The following GABRG3 variants were observed in gnomAD, a reference collection of about 807,000 sequenced individuals.
The protein encoded by GABRG3 is gamma-aminobutyric acid receptor subunit gamma-3.
In GABRG3, 25 loss-of-function variants were observed where a neutral mutation model predicts 48.8. That is an observed-to-expected ratio of 0.51 (90% CI 0.37 to 0.72). The LOEUF (loss-of-function observed/expected upper bound fraction) is 0.72. Among genes scored for constraint, GABRG3 ranks in the 30% least tolerant of loss-of-function variants. The pLI is 0.00. For synonymous variants in GABRG3, 227 were observed against 217.6 expected (o/e 1.04, Z -0.38); for missense variants, 394 against 577.9 (o/e 0.68, Z 3.26).
At position 27,209,996 on chromosome 15, in the gene GABRG3, C is replaced by G. The variant is rs77965590; in HGVS notation, c.271-116813C>G. 4.1e-3 allele frequency among the ~76,000 whole-genome samples: 631 copies of G among 152,256 alleles called. 3 individuals carry two copies. Among genetic ancestry groups the G allele is most frequent in the Non-Finnish European group, 6.6e-3 (452 of 68,014 alleles). On this transcript the variant is annotated intron_variant, in intron 3 of 9. Coordinates refer to ENST00000615808, the MANE Select transcript of GABRG3 (RefSeq NM_033223.5). ...ATAGGGTCAGGGCCCACCCTGATGA[C>G]CTCATTTAACCCAGGTTACCTTTTT...
chr15:27,527,935 A>T lies in GABRG3; in HGVS notation c.1065A>T (p.Leu355Phe). Residue 355 changes from leucine to phenylalanine, a missense_variant and splice_region_variant, in exon 9 of 10, where the codon TTA becomes TTT. Coordinates refer to ENST00000615808, the MANE Select transcript of GABRG3 (RefSeq NM_033223.5). ...KPTTTKKTTSLLHPDSSRWIP... is the reference protein window; with the variant it reads ...KPTTTKKTTSFLHPDSSRWIP... ...TATTTTTTCTTCTTTTCTTGTAGTT[A>T]CTACATCCAGATTCCTCAAGATGGA... is the stretch of plus-strand genomic sequence containing the variant. 1 of 1,580,644 alleles carries T rather than the reference A, an allele frequency of 6.3e-7. No homozygotes were observed. The highest frequency in any genetic ancestry group is 8.6e-7 in the Non-Finnish European group (1 of 1,160,422).
intron 3 of GABRG3, among the ~76,000 whole-genome samples, chr15:27,220,694 C>G (rs529391859): frequency 1.3e-5 from 2 of 152,278 alleles, no homozygotes; most frequent in East Asian, 3.9e-4. Context: ...TGTTTGGAGA[C>G]TGTTGCTTAA....
intron 5 of GABRG3, among the ~76,000 whole-genome samples, chr15:27,392,994 T>A (rs1194702309): frequency 6.6e-6 from 1 of 152,108 alleles, no homozygotes; most frequent in Non-Finnish European, 1.5e-5. Flanking sequence ...TTTTCTCCAA[T>A]CCTAGAACTA....
At chr15:27,492,501 C>T (rs559000135) in intron 6 of GABRG3, among the ~76,000 whole-genome samples, 5 of 152,152 alleles carry the variant, frequency 3.3e-5, no homozygotes, top group Non-Finnish European at 7.3e-5. Context: ...GGAGAGAGAG[C>T]AGTTGAGCCT....
chr15:27,084,902 C>T (rs576378923), intron 3 of GABRG3, among the ~76,000 whole-genome samples: 1 of 152,354 alleles, frequency 6.6e-6, no homozygotes, highest in South Asian at 2.1e-4. Context: ...GGCTCTCCTT[C>T]TGACACTGTG....
At chr15:27,284,929 G>T (rs146679590) in intron 3 of GABRG3, among the ~76,000 whole-genome samples, 2 of 152,292 alleles carry the variant, frequency 1.3e-5, no homozygotes, top group Non-Finnish European at 2.9e-5. Flanking sequence ...AAAGAAACTT[G>T]TTGAAAGCAG....
chr15:27,501,044 C>T (rs1234625430), intron 6 of GABRG3, among the ~76,000 whole-genome samples: 2 of 151,080 alleles, frequency 1.3e-5, no homozygotes, highest in Admixed American at 6.6e-5. Context: ...CTCCGCCTCC[C>T]GGGTTCACAC....
chr15:27,087,852 G>A lies in GABRG3; in HGVS notation c.270+61031G>A, dbSNP rs1311115709. On this transcript the variant is annotated intron_variant, in intron 3 of 9. Transcript: ENST00000615808. ...GGTGTGTGTGCATGTGTATGTGTGT[G>A]TAATGTGCTGTGGGGTGTGTGTGGT... 2.6e-5 allele frequency among the ~76,000 whole-genome samples: 4 copies of A among 151,388 alleles called. No individual in the cohort carries two copies. In the East Asian group the frequency reaches 7.8e-4, roughly 30 times the overall value.
intron 5 of GABRG3, among the ~76,000 whole-genome samples, chr15:27,349,310 C>A (rs1002809630): frequency 6.6e-6 from 1 of 151,728 alleles, no homozygotes; most frequent in Non-Finnish European, 1.5e-5. Context: ...ATAAAATATT[C>A]CAGGCTTCTG....
intron 3 of GABRG3, among the ~76,000 whole-genome samples, chr15:27,306,856 TACA>T (rs1892530137): frequency 1.7e-4 from 15 of 87,628 alleles, no homozygotes; most frequent in East Asian, 3.4e-4. Flanking sequence ...TATATAAACA[TACA>T]ATATAAACAT....
intron 5 of GABRG3, among the ~76,000 whole-genome samples, chr15:27,391,099 A>AT (rs2140576511): frequency 6.6e-6 from 1 of 152,136 alleles, no homozygotes; most frequent in East Asian, 1.9e-4. Context: ...AAAAAAAAAA[A>AT]GACACAATCC....
chr15:27,350,922 TTG>T (rs563638932), intron 5 of GABRG3, among the ~76,000 whole-genome samples: 4 of 148,272 alleles, frequency 2.7e-5, no homozygotes, highest in South Asian at 2.2e-4. Context: ...TCATGTGTGT[TTG>T]TGTGTGTGTA....
intron 3 of GABRG3, among the ~76,000 whole-genome samples, chr15:27,135,584 C>T (rs1897994627): frequency 6.6e-6 from 1 of 152,102 alleles, no homozygotes; most frequent in Non-Finnish European, 1.5e-5. Flanking sequence ...ATTTTTAGCA[C>T]TGACTTGAGG....
At chr15:27,424,523 C>T (rs1888230572) in intron 5 of GABRG3, among the ~76,000 whole-genome samples, 1 of 150,120 alleles carries the variant, frequency 6.7e-6, no homozygotes, top group Admixed American at 6.6e-5. Context: ...GATCTACTCT[C>T]ATGACTTAAT....
At chr15:27,366,478 TG>T (rs1359134193) in intron 5 of GABRG3, 1 of 152,234 alleles carries the variant, frequency 6.6e-6, no homozygotes, top group Non-Finnish European at 1.5e-5. Flanking sequence ...AACAGGCCTT[TG>T]ATCGCCAGTA....
chr15:27,532,859 G>A lies in GABRG3; in HGVS notation c.1382G>A (p.Trp461Ter), dbSNP rs1333772817. Residue 461 changes from tryptophan to a stop codon, truncating the protein, a stop_gained, in exon 10 of 10, where the codon TGG becomes TAG. Coordinates refer to ENST00000615808, the MANE Select transcript of GABRG3 (RefSeq NM_033223.5). LOFTEE classifies it high-confidence loss of function. ...TSFLLFNLVYWVGYLYL is the reference protein window; with the variant it reads ...TSFLLFNLVY ...TTCCTGCTCTTTAACCTGGTCTACT[G>A]GGTTGGATACCTGTATCTCTAAGTG... The A allele has an allele frequency of 6.2e-7, 1 of 1,613,818 alleles. No homozygotes were observed. Among genetic ancestry groups the A allele is most frequent in the Non-Finnish European group, 8.5e-7 (1 of 1,179,868 alleles).
chr15:27,120,875 C>G (rs1033596875), intron 3 of GABRG3, among the ~76,000 whole-genome samples: 16 of 152,018 alleles, frequency 1.1e-4, no homozygotes, highest in Admixed American at 2.0e-4. Flanking sequence ...GCTAATCTCC[C>G]CAGTTGTTAA....
chr15:26,978,243 C>A (rs1224132264), intron 2 of GABRG3, among the ~76,000 whole-genome samples: 2 of 151,926 alleles, frequency 1.3e-5, no homozygotes, highest in African/African-American at 4.8e-5. Flanking sequence ...CTCTGTATAT[C>A]CTAGGTATGA....
At chr15:27,328,127 A>C (rs866659706) in intron 4 of GABRG3, among the ~76,000 whole-genome samples, 10 of 124,510 alleles carry the variant, frequency 8.0e-5, no homozygotes, top group African/African-American at 4.4e-4. Context: ...AAAAAAAAAA[A>C]CCAAAAAAAA....
Sources: gnomAD v4.1 joint callset for allele counts (sites outside exome capture counted in the v4.1 genomes callset) on GRCh38, gnomAD v4.1.1 for gene constraint, MANE v1.5 for transcripts, NCBI Gene and HGNC (gene_info 2026-07-23, HGNC 2026-07-21) for gene names.